The following GARIN2 variants were observed in gnomAD, a reference collection of about 807,000 sequenced individuals.
GARIN2 encodes the protein golgi associated RAB2 interactor family member 2.
the GARIN2 span, among the ~76,000 whole-genome samples, chr14:67,195,264 G>A: frequency 6.6e-6 from 1 of 152,218 alleles, no homozygotes; most frequent in Admixed American, 6.5e-5. Context: ...GCGAGACCCA[G>A]TCGTGGCTGC....
chr14:67,209,121 T>C, the GARIN2 span, among the ~76,000 whole-genome samples: 4 of 152,224 alleles, frequency 2.6e-5, no homozygotes, highest in Non-Finnish European at 4.4e-5. Flanking sequence ...TAATTTTCAA[T>C]GGCAGAGTTT....
At chr14:67,205,130 A>T in the GARIN2 span, 1 of 1,507,472 alleles carries the variant, frequency 6.6e-7, no homozygotes, top group Non-Finnish European at 8.9e-7. Flanking sequence ...ATAATCGAGA[A>T]CTAGAGGGGT....
At chr14:67,199,051 G>A in the GARIN2 span, 2 of 759,866 alleles carry the variant, frequency 2.6e-6, no homozygotes, top group Non-Finnish European at 4.7e-6. Flanking sequence ...GATGGCAGGA[G>A]CTCTTTTGCC....
At chr14:67,203,404 C>A in the GARIN2 span, 1 of 839,868 alleles carries the variant, frequency 1.2e-6, no homozygotes, top group Non-Finnish European at 1.8e-6. Flanking sequence ...ATGTTACTCG[C>A]ACTCCCTGCT....
chr14:67,196,223 C>CTTTCTTTTTTT, the GARIN2 span, among the ~76,000 whole-genome samples: 63 of 143,138 alleles, frequency 4.4e-4, no homozygotes, highest in East Asian at 1.4e-3. Context: ...TTCTTTCTTT[C>CTTTCTTTTTTT]TTTTTTTTTT....
At chr14:67,190,489 C>T in the GARIN2 span, among the ~76,000 whole-genome samples, 1 of 152,170 alleles carries the variant, frequency 6.6e-6, no homozygotes, top group South Asian at 2.1e-4. Flanking sequence ...TCCCAAAGTT[C>T]TGGGATTACA....
the GARIN2 span, among the ~76,000 whole-genome samples, chr14:67,201,009 A>C: frequency 0.012 from 1,834 of 152,324 alleles, 19 homozygotes; most frequent in Non-Finnish European, 0.018. Context: ...AAAGAAAAAC[A>C]ATTAGGCTGG....
the GARIN2 span, among the ~76,000 whole-genome samples, chr14:67,205,392 G>A: frequency 2.0e-5 from 3 of 152,096 alleles, no homozygotes; most frequent in Non-Finnish European, 4.4e-5. Context: ...CATATTACTT[G>A]TGTGACTTCA....
chr14:67,203,206 A>G, the GARIN2 span: 10 of 1,613,830 alleles, frequency 6.2e-6, no homozygotes, highest in South Asian at 2.2e-5. Flanking sequence ...CTACTGGCCC[A>G]TCTGACACCT....
At chr14:67,203,430 G>A in the GARIN2 span, 1 of 678,648 alleles carries the variant, frequency 1.5e-6, no homozygotes, top group Non-Finnish European at 2.4e-6. Context: ...TGACAAAGAG[G>A]AGCATCCTTG....
the GARIN2 span, among the ~76,000 whole-genome samples, chr14:67,220,936 G>A: frequency 5.3e-5 from 8 of 152,126 alleles, no homozygotes; most frequent in Non-Finnish European, 1.2e-4. Flanking sequence ...TGTTTATTTT[G>A]TAGGATAATA....
the GARIN2 span, among the ~76,000 whole-genome samples, chr14:67,198,510 T>C: frequency 3.9e-5 from 6 of 152,210 alleles, no homozygotes; most frequent in Admixed American, 1.3e-4. Flanking sequence ...ACTTCAAATG[T>C]CCCCAAAACT....
the GARIN2 span, chr14:67,221,990 G>A: frequency 2.1e-5 from 14 of 659,058 alleles, no homozygotes; most frequent in Middle Eastern, 3.0e-4. Flanking sequence ...TCTCAAAGCC[G>A]ATCCTCAGGC....
At chr14:67,189,888 T>C in the GARIN2 span, 1 of 141,102 alleles carries the variant, frequency 7.1e-6, no homozygotes, top group Non-Finnish European at 1.5e-5. Flanking sequence ...TCACCCAGGC[T>C]GGAGTGCAAT....
the GARIN2 span, among the ~76,000 whole-genome samples, chr14:67,221,554 AC>A: frequency 6.6e-6 from 1 of 152,194 alleles, no homozygotes; most frequent in Non-Finnish European, 1.5e-5. Flanking sequence ...CGTACAATAA[AC>A]TTTTACGGCT....
chr14:67,201,208 T>TGCTTAAGCAATCCTGG, the GARIN2 span, among the ~76,000 whole-genome samples: 3 of 152,148 alleles, frequency 2.0e-5, no homozygotes, highest in Non-Finnish European at 2.9e-5. Context: ...GAGGGAGGAT[T>TGCTTAAGCAATCCTGG]GCTTAAGCCC....
chr14:67,214,146 C>T, the GARIN2 span, among the ~76,000 whole-genome samples: 4 of 152,164 alleles, frequency 2.6e-5, no homozygotes, highest in African/African-American at 9.7e-5. Flanking sequence ...GTTTCTTTTG[C>T]TGTGCAGAAG....
chr14:67,191,415 A>G, the GARIN2 span, among the ~76,000 whole-genome samples: 1 of 152,208 alleles, frequency 6.6e-6, no homozygotes, highest in Non-Finnish European at 1.5e-5. Context: ...TGTAGAGGAC[A>G]TTTTAGGGGC....
the GARIN2 span, among the ~76,000 whole-genome samples, chr14:67,213,334 T>G: frequency 9.5e-6 from 1 of 105,660 alleles, no homozygotes; most frequent in East Asian, 3.0e-4. Flanking sequence ...CCCACAACAG[T>G]CCCTGGAGTG....
Sources: gnomAD v4.1 joint callset for allele counts (sites outside exome capture counted in the v4.1 genomes callset) on GRCh38, gnomAD v4.1.1 for gene constraint, MANE v1.5 for transcripts, NCBI Gene and HGNC (gene_info 2026-07-23, HGNC 2026-07-21) for gene names.